Variants in ZFHX3 observed in about 807,000 individuals in gnomAD.
The protein encoded by ZFHX3 is zinc finger homeobox 3.
A neutral mutation model predicts 279.1 loss-of-function variants in ZFHX3; 42 were observed. That is an observed-to-expected ratio of 0.15 (90% CI 0.12 to 0.19). ZFHX3 has a LOEUF of 0.19. Among genes scored for constraint, ZFHX3 ranks in the 10% least tolerant of loss-of-function variants. The probability of loss-of-function intolerance (pLI) is 1.00; values close to 1 mark genes in which losing one functional copy is unlikely to be tolerated. For missense variants in ZFHX3, 4,981 were observed against 4,754.0 expected (o/e 1.05, Z -1.40); for synonymous variants, 2,293 against 1,957.8 (o/e 1.17, Z -4.52).
intron 1 of ZFHX3, among the ~76,000 whole-genome samples, chr16:73,694,323 A>T (rs892040790): frequency 6.6e-6 from 1 of 151,618 alleles, no homozygotes; most frequent in Non-Finnish European, 1.5e-5. Context: ...GCTATCTCAA[A>T]ATTTTATTTT....
At chr16:73,312,776 A>G (rs143171365) in intron 4 of ZFHX3, among the ~76,000 whole-genome samples, 41 of 152,356 alleles carry the variant, frequency 2.7e-4, no homozygotes, top group African/African-American at 9.6e-4. Context: ...CTCAAGGTCA[A>G]CAGCTAGTTA....
chr16:72,889,008 G>C (rs1156682338), intron 4 of ZFHX3, among the ~76,000 whole-genome samples: 1 of 151,948 alleles, frequency 6.6e-6, no homozygotes, highest in African/African-American at 2.4e-5. Context: ...AAATAGAAAA[G>C]AGGAGGTGAT....
intron 4 of ZFHX3, among the ~76,000 whole-genome samples, chr16:73,258,643 C>T (rs533072429): frequency 5.3e-5 from 8 of 152,262 alleles, no homozygotes; most frequent in East Asian, 1.9e-4. Flanking sequence ...CCACCGCACC[C>T]GGCCACTATG....
At chr16:73,750,271 A>G (rs758119831) in intron 1 of ZFHX3, among the ~76,000 whole-genome samples, 6 of 152,208 alleles carry the variant, frequency 3.9e-5, no homozygotes, top group Non-Finnish European at 7.3e-5. Context: ...CAAGCTCAGC[A>G]ATGAGTGGAA....
chr16:73,471,305 C>T (rs2018662318), intron 2 of ZFHX3, among the ~76,000 whole-genome samples: 1 of 152,192 alleles, frequency 6.6e-6, no homozygotes, highest in African/African-American at 2.4e-5. Flanking sequence ...GACCATGCAC[C>T]ACTGCAAGTC....
chr16:73,785,153 T>C (rs1463489768), intron 1 of ZFHX3, among the ~76,000 whole-genome samples: 1 of 152,228 alleles, frequency 6.6e-6, no homozygotes. Context: ...TAACAGTTTT[T>C]AGTTACAATA....
chr16:72,955,508 G>C (rs1375695241), intron 2 of ZFHX3, among the ~76,000 whole-genome samples: 5 of 152,248 alleles, frequency 3.3e-5, no homozygotes, highest in African/African-American at 7.2e-5. Context: ...GCTGGGCACA[G>C]TGGCTCATGC....
chr16:73,433,286 A>G (rs1399087645), intron 3 of ZFHX3, among the ~76,000 whole-genome samples: 2 of 152,196 alleles, frequency 1.3e-5, no homozygotes, highest in East Asian at 3.9e-4. Context: ...CCAGACTTAT[A>G]AAAATAGGAA....
Position 73,124,428 on chromosome 16 carries a change from C to G in ZFHX3, c.-897+6540G>C, listed in dbSNP as rs1405960678. On this transcript the variant is annotated intron_variant, in intron 7 of 17. Coordinates refer to the ZFHX3 transcript ENST00000641206. ...TCCACCCCTATGACCTAATCACTTC[C>G]CAAAGTCCCCACCTCCTGATATCAT... is the stretch of plus-strand genomic sequence containing the variant. Among the ~76,000 whole-genome samples, 6 of 152,286 alleles carry G rather than the reference C, an allele frequency of 3.9e-5. No individual in the cohort carries two copies. In the East Asian group the frequency reaches 1.2e-3, roughly 29 times the overall value.
At chr16:73,732,236 A>G (rs1205438484) in intron 1 of ZFHX3, among the ~76,000 whole-genome samples, 1 of 152,242 alleles carries the variant, frequency 6.6e-6, no homozygotes, top group Non-Finnish European at 1.5e-5. Flanking sequence ...AACACTTACT[A>G]TTAACACCCA....
chr16:73,587,055 T>G (rs2051934593), intron 2 of ZFHX3, among the ~76,000 whole-genome samples: 1 of 152,176 alleles, frequency 6.6e-6, no homozygotes, highest in African/African-American at 2.4e-5. Context: ...AGCATCAATT[T>G]TGGAGACGGC....
intron 5 of ZFHX3, among the ~76,000 whole-genome samples, chr16:73,146,832 T>C (rs1302201094): frequency 1.3e-5 from 2 of 152,110 alleles, no homozygotes; most frequent in South Asian, 2.1e-4. Context: ...TGTTTTTGTA[T>C]TTTTTGTAGA....
intron 1 of ZFHX3, among the ~76,000 whole-genome samples, chr16:73,766,726 G>C (rs1319643057): frequency 6.6e-6 from 1 of 152,104 alleles, no homozygotes; most frequent in Admixed American, 6.5e-5. Flanking sequence ...ACTCAGGACA[G>C]GACCGCAGAC....
intron 2 of ZFHX3, among the ~76,000 whole-genome samples, chr16:73,675,832 A>G (rs1042057539): frequency 1.3e-5 from 2 of 152,162 alleles, no homozygotes; most frequent in African/African-American, 4.8e-5. Flanking sequence ...GCACATATGC[A>G]CACACACTGA....
intron 2 of ZFHX3, among the ~76,000 whole-genome samples, chr16:73,521,236 C>T (rs12919467): frequency 0.045 from 6,849 of 152,238 alleles, 196 homozygotes; most frequent in South Asian, 0.085. Flanking sequence ...AAAGGTTCTG[C>T]CACTTTCTTG....
At chr16:73,866,704 C>T (rs1962031146) in intron 1 of ZFHX3, among the ~76,000 whole-genome samples, 1 of 152,144 alleles carries the variant, frequency 6.6e-6, no homozygotes, top group South Asian at 2.1e-4. Context: ...GTTGGGCTTC[C>T]CTCAGAAACC....
chr16:73,739,101 T>C lies in ZFHX3; in HGVS notation c.-1607-58861A>G, dbSNP rs141851603. Among the ~76,000 whole-genome samples, 335 of 152,346 alleles carry C rather than the reference T, an allele frequency of 2.2e-3. 1 individual carries two copies. Among genetic ancestry groups the C allele is most frequent in the Middle Eastern group, 0.017 (5 of 294 alleles). ...GTTGCAAATCTTTGCCTGGCCTCAC[T>C]ATTCTCCCTTTTGCTCAGCCTCTCC... On this transcript the variant is annotated intron_variant, in intron 1 of 17. Transcript: ENST00000641206.
At chr16:73,385,353 C>T (rs988943237) in intron 3 of ZFHX3, among the ~76,000 whole-genome samples, 1 of 152,192 alleles carries the variant, frequency 6.6e-6, no homozygotes, top group Admixed American at 6.5e-5. Flanking sequence ...AACACTCCTG[C>T]ATGTTTGGAC....
chr16:73,524,431 C>T (rs1234633125), intron 2 of ZFHX3, among the ~76,000 whole-genome samples: 1 of 152,164 alleles, frequency 6.6e-6, no homozygotes, highest in Non-Finnish European at 1.5e-5. Flanking sequence ...TCCATGACAA[C>T]ATATGCACGG....
Sources: allele counts gnomAD v4.1 joint callset (sites outside exome capture counted in the v4.1 genomes callset), GRCh38; gene constraint gnomAD v4.1.1; transcripts MANE v1.5; gene names NCBI Gene and HGNC (gene_info 2026-07-23, HGNC 2026-07-21).